NCKAP5: variants seen among roughly 807,000 people sequenced by gnomAD.
NCKAP5 encodes the protein NCK associated protein 5, also known as nck-associated protein 5.
Under a neutral mutation model 167.0 loss-of-function variants are expected in NCKAP5, and 92 were observed. The ratio of observed to expected loss-of-function variants is 0.55; its 90% CI spans 0.47 to 0.66. The LOEUF is 0.66. Ranked by LOEUF, NCKAP5 falls within the 30% of genes least tolerant of loss-of-function variation. The probability of loss-of-function intolerance (pLI) is 0.00; values close to 1 mark genes in which losing one functional copy is unlikely to be tolerated. For synonymous variants in NCKAP5, 891 were observed against 877.4 expected (o/e 1.02, Z -0.27); for missense variants, 2,378 against 2,315.0 (o/e 1.03, Z -0.56).
At chr2:132,914,510 C>G (rs1694709956) in intron 8 of NCKAP5, among the ~76,000 whole-genome samples, 1 of 151,742 alleles carries the variant, frequency 6.6e-6, no homozygotes, top group Admixed American at 6.6e-5. Context: ...CTCTTTGGCC[C>G]CCTTTCACAA....
chr2:133,618,615 A>C, the NCKAP5 span, among the ~76,000 whole-genome samples: 2 of 152,126 alleles, frequency 1.3e-5, no homozygotes, highest in African/African-American at 4.8e-5. Context: ...ATACCATCTC[A>C]TACCAGTTAG....
chr2:133,290,556 C>A (rs1273396497), intron 4 of NCKAP5, among the ~76,000 whole-genome samples: 1 of 152,080 alleles, frequency 6.6e-6, no homozygotes, highest in East Asian at 1.9e-4. Flanking sequence ...TTAAACATTT[C>A]AATCTTTAAA....
chr2:132,963,123 T>G (rs921456415), intron 8 of NCKAP5, among the ~76,000 whole-genome samples: 1 of 152,210 alleles, frequency 6.6e-6, no homozygotes, highest in African/African-American at 2.4e-5. Context: ...GAATTAACAC[T>G]TGAAATAATG....
At chr2:132,872,111 T>G (rs1037174) in intron 9 of NCKAP5, among the ~76,000 whole-genome samples, 4,635 of 152,320 alleles carry the variant, frequency 0.03, 232 homozygotes, top group East Asian at 0.13. Flanking sequence ...GCAGCAGCTG[T>G]GCTAGGCTGC....
intron 8 of NCKAP5, among the ~76,000 whole-genome samples, chr2:132,883,660 G>C (rs189149952): frequency 9.9e-5 from 15 of 152,248 alleles, no homozygotes; most frequent in Middle Eastern, 3.4e-3. Flanking sequence ...TGCTGGCCTT[G>C]GGCTTTCTCA....
Position 133,051,204 on chromosome 2 carries a change from T to C in NCKAP5, c.342-56965A>G, listed in dbSNP as rs1454721405. Among the ~76,000 whole-genome samples the C allele has an allele frequency of 3.9e-5, 6 of 152,182 alleles. No individual in the cohort carries two copies. In the South Asian group the frequency reaches 8.3e-4, roughly 21 times the overall value. On this transcript the variant is annotated intron_variant, in intron 6 of 19. Transcript: ENST00000409261. ...TTCCCTCTGTGTGGTCCTCAGAGAC[T>C]ACTGCTGATCTGGGGTTAAACTTAT...
chr2:133,483,761 C>T (rs1054484310), intron 3 of NCKAP5, among the ~76,000 whole-genome samples: 2 of 152,106 alleles, frequency 1.3e-5, no homozygotes, highest in South Asian at 4.1e-4. Context: ...CCCAAAGTAG[C>T]TGATCATTAG....
intron 3 of NCKAP5, among the ~76,000 whole-genome samples, chr2:133,403,280 AATG>A (rs1688214614): frequency 6.6e-6 from 1 of 152,246 alleles, no homozygotes; most frequent in Non-Finnish European, 1.5e-5. Flanking sequence ...GTCATGCACC[AATG>A]ATGATTAGTG....
At chr2:133,029,373 G>A (rs552294560) in intron 6 of NCKAP5, among the ~76,000 whole-genome samples, 1 of 152,272 alleles carries the variant, frequency 6.6e-6, no homozygotes, top group South Asian at 2.1e-4. Flanking sequence ...AGATCACAGA[G>A]TTAAAGTAAC....
intron 18 of NCKAP5, among the ~76,000 whole-genome samples, chr2:132,727,958 G>A (rs1003513147): frequency 1.3e-5 from 2 of 152,198 alleles, no homozygotes; most frequent in African/African-American, 4.8e-5. Flanking sequence ...TCATAGTTGG[G>A]CAGAAACTTT....
At chr2:132,907,783 G>A (rs551638702) in intron 8 of NCKAP5, among the ~76,000 whole-genome samples, 7 of 151,670 alleles carry the variant, frequency 4.6e-5, no homozygotes, top group Non-Finnish European at 7.4e-5. Flanking sequence ...TCAGCCTCCC[G>A]AGTAGCTGGG....
the NCKAP5 span, among the ~76,000 whole-genome samples, chr2:133,658,424 A>T: frequency 1.3e-5 from 2 of 152,222 alleles, no homozygotes; most frequent in East Asian, 3.8e-4. Flanking sequence ...AGGATGAAAA[A>T]TAAAATGAAG....
At chr2:133,591,987 C>T in the NCKAP5 span, among the ~76,000 whole-genome samples, 1 of 151,996 alleles carries the variant, frequency 6.6e-6, no homozygotes, top group African/African-American at 2.4e-5. Context: ...CTTGTATGTC[C>T]TTCCAGAAAA....
intron 11 of NCKAP5, among the ~76,000 whole-genome samples, chr2:132,831,288 A>T (rs1211625018): frequency 6.6e-6 from 1 of 152,244 alleles, no homozygotes; most frequent in African/African-American, 2.4e-5. Flanking sequence ...CTACTTGTGT[A>T]CAAGCATTTC....
chr2:133,025,475 G>A (rs771521437), intron 6 of NCKAP5, among the ~76,000 whole-genome samples: 7 of 152,214 alleles, frequency 4.6e-5, no homozygotes, highest in African/African-American at 1.2e-4. Flanking sequence ...AAGTATTACC[G>A]CTTATTTCTG....
At chr2:132,833,897 G>T (rs1687698429) in intron 11 of NCKAP5, among the ~76,000 whole-genome samples, 1 of 152,128 alleles carries the variant, frequency 6.6e-6, no homozygotes. Flanking sequence ...CTGCGAAACA[G>T]TGACATTGGC....
chr2:133,178,944 T>A (rs1196252096), intron 5 of NCKAP5, among the ~76,000 whole-genome samples: 1 of 151,404 alleles, frequency 6.6e-6, no homozygotes, highest in Non-Finnish European at 1.5e-5. Flanking sequence ...GGCAGGTGGA[T>A]CACTTGAGGC....
chr2:132,939,844 A>C (rs1361297318), intron 8 of NCKAP5, among the ~76,000 whole-genome samples: 1 of 152,096 alleles, frequency 6.6e-6, no homozygotes, highest in Non-Finnish European at 1.5e-5. Context: ...TACTAAAAAT[A>C]CAAAAATTAG....
chr2:133,236,950 T>C (rs144830485), intron 4 of NCKAP5, among the ~76,000 whole-genome samples: 4 of 152,022 alleles, frequency 2.6e-5, no homozygotes, highest in African/African-American at 4.8e-5. Context: ...CTCCTCTCCA[T>C]GTCAAGTTAA....
Sources: gnomAD v4.1 joint callset for allele counts (sites outside exome capture counted in the v4.1 genomes callset) on GRCh38, gnomAD v4.1.1 for gene constraint, MANE v1.5 for transcripts, NCBI Gene and HGNC (gene_info 2026-07-23, HGNC 2026-07-21) for gene names.